The following ZNF827 variants were observed in gnomAD, a reference collection of about 807,000 sequenced individuals.
The protein encoded by ZNF827 is zinc finger protein 827.
In ZNF827, 13 loss-of-function variants were observed where a neutral mutation model predicts 102.4. That is an observed-to-expected ratio of 0.13 (90% CI 0.08 to 0.20). The LOEUF (loss-of-function observed/expected upper bound fraction) is 0.20, where lower values mean the gene tolerates loss of function less well. Among genes scored for constraint, ZNF827 ranks in the 10% least tolerant of loss-of-function variants. The probability of loss-of-function intolerance (pLI) is 1.00; values close to 1 mark genes in which losing one functional copy is unlikely to be tolerated. For missense variants in ZNF827, 1,103 were observed against 1,344.4 expected (o/e 0.82, Z 2.81); for synonymous variants, 523 against 536.2 (o/e 0.98, Z 0.34).
At chr4:145,878,688 AGAGGAAGG>A (rs893032972) in intron 4 of ZNF827, among the ~76,000 whole-genome samples, 2 of 149,662 alleles carry the variant, frequency 1.3e-5, no homozygotes, top group African/African-American at 2.5e-5. Flanking sequence ...GAAGGGAGAG[AGAGGAAGG>A]GAGGAAGGGA....
intron 3 of ZNF827, among the ~76,000 whole-genome samples, chr4:145,890,715 T>TTAAACC (rs1360301969): frequency 1.3e-5 from 2 of 152,160 alleles, no homozygotes; most frequent in Non-Finnish European, 2.9e-5. Context: ...AAATTCAACT[T>TTAAACC]TGCAGGTTTA....
chr4:145,938,314 G>A (rs1454311133), intron 1 of ZNF827, 51 bp downstream of exon 1: 4 of 1,608,610 alleles, frequency 2.5e-6, no homozygotes, highest in Non-Finnish European at 2.6e-6. Context: ...GGAAAGAGGA[G>A]AGGGAGGGCG....
chr4:145,878,918 A>T (rs1749428186), intron 4 of ZNF827, among the ~76,000 whole-genome samples: 1 of 152,054 alleles, frequency 6.6e-6, no homozygotes, highest in Non-Finnish European at 1.5e-5. Flanking sequence ...AGGGAGCTGG[A>T]GGGGCAACTT....
At chr4:145,785,034 T>C (rs1738644953) in intron 8 of ZNF827, among the ~76,000 whole-genome samples, 1 of 152,242 alleles carries the variant, frequency 6.6e-6, no homozygotes, top group Non-Finnish European at 1.5e-5. Context: ...GCCTTGAATG[T>C]CATTTGGGCT....
intron 5 of ZNF827, among the ~76,000 whole-genome samples, chr4:145,851,630 T>C (rs1365659088): frequency 1.3e-5 from 2 of 152,154 alleles, no homozygotes; most frequent in African/African-American, 4.8e-5. Flanking sequence ...CACATGCTTC[T>C]CAGGGAAAAC....
chr4:145,908,390 A>AGT (rs1199847031), intron 1 of ZNF827, among the ~76,000 whole-genome samples: 13 of 152,338 alleles, frequency 8.5e-5, no homozygotes, highest in East Asian at 3.9e-4. Context: ...TCTAACAATC[A>AGT]GTGTCTCCAA....
At position 145,823,474 on chromosome 4, in the gene ZNF827, T is replaced by C; in HGVS notation, c.2331A>G (p.Ser777=). 1 of 1,612,456 alleles carries C rather than the reference T, an allele frequency of 6.2e-7. No homozygotes were observed. ...CGGAGTCACTGGGCAGCAGTTCTTTTGAATTGGAGGTGAATGGTGATTGTC... is the reference window on the plus strand; with the variant it reads ...CGGAGTCACTGGGCAGCAGTTCTTTCGAATTGGAGGTGAATGGTGATTGTC... ...TFRQSPFTSN[S]KELLPSDSVL... Residue 777 remains serine, a synonymous_variant, in exon 8 of 15, where the codon TCA becomes TCG. Transcript: ENST00000508784.
intron 8 of ZNF827, 26 bp downstream of exon 8, chr4:145,823,396 A>T: frequency 6.3e-7 from 1 of 1,581,708 alleles, no homozygotes; most frequent in Non-Finnish European, 8.7e-7. Context: ...TCAACAGTAG[A>T]AGCAAAGCCA....
intron 1 of ZNF827, among the ~76,000 whole-genome samples, chr4:145,926,385 T>G (rs561778805): frequency 6.6e-6 from 1 of 152,240 alleles, no homozygotes; most frequent in Non-Finnish European, 1.5e-5. Flanking sequence ...CCTACAACAT[T>G]CTAGTTGCCT....
chr4:145,842,541 G>A (rs943089019), intron 7 of ZNF827, among the ~76,000 whole-genome samples: 14 of 152,124 alleles, frequency 9.2e-5, no homozygotes, highest in African/African-American at 3.1e-4. Flanking sequence ...GATAAATAAC[G>A]ATAAACAATT....
At chr4:145,844,591 G>A (rs1745738643) in intron 7 of ZNF827, among the ~76,000 whole-genome samples, 1 of 151,440 alleles carries the variant, frequency 6.6e-6, no homozygotes, top group South Asian at 2.1e-4. Context: ...GAGGTGGGAG[G>A]ATGGCTTGAG....
At chr4:145,915,595 T>A (rs886066225) in intron 1 of ZNF827, among the ~76,000 whole-genome samples, 6 of 152,204 alleles carry the variant, frequency 3.9e-5, no homozygotes, top group African/African-American at 1.4e-4. Flanking sequence ...TTCCAACATA[T>A]GAATTCTGGG....
rs1476537164 is a variant in ZNF827, at chr4:145,786,212, ACCCTATAT to A, written c.2384-6709_2384-6702del. On this transcript the variant is annotated intron_variant, in intron 8 of 14. Coordinates refer to ENST00000508784, the MANE Select transcript of ZNF827 (RefSeq NM_001306215.2). ...TTCCTTTCAATTTTAACATAATTTG[ACCCTATAT>A]TTGGTGTATTGTTTGGCTTTGTGGG... is the stretch of plus-strand genomic sequence containing the variant. 2.6e-5 allele frequency among the ~76,000 whole-genome samples: 4 copies of A among 152,186 alleles called. No individual in the cohort carries two copies. The East Asian group carries it at 7.7e-4, about 29-fold the overall frequency.
At position 145,938,677 on chromosome 4, in the gene ZNF827, A is replaced by G. The variant is rs1754414206; in HGVS notation, c.-270T>C. ...TGCACCTGGCTTGTCCCCGAGCGTA[A>G]TATTCTTCAATGGAAACGGATCTAA... On this transcript the variant is annotated 5_prime_UTR_variant, in exon 1 of 15. Transcript: ENST00000508784. The G allele has an allele frequency of 4.1e-6, 2 of 491,996 alleles. No individual in the cohort carries two copies. The highest frequency in any genetic ancestry group is 7.3e-6 in the Non-Finnish European group (2 of 275,192). 30.5% of individuals were successfully genotyped at this position (491,996 alleles called of 1,614,324 possible). A position where few individuals can be genotyped will look rare whatever the true frequency, so the allele number is the denominator to read the frequency against.
intron 7 of ZNF827, among the ~76,000 whole-genome samples, chr4:145,840,866 C>A (rs1023294722): frequency 1.1e-4 from 16 of 152,286 alleles, no homozygotes; most frequent in Admixed American, 4.6e-4. Context: ...GTGAATATGT[C>A]TTTTAGTAAA....
chr4:145,820,124 CT>C (rs1560959739), intron 8 of ZNF827: 2 of 152,766 alleles, frequency 1.3e-5, no homozygotes, highest in African/African-American at 4.8e-5. Context: ...CACACTGAAG[CT>C]ACCATGGATC....
At chr4:145,784,094 A>C (rs1023654401) in intron 8 of ZNF827, among the ~76,000 whole-genome samples, 2 of 152,110 alleles carry the variant, frequency 1.3e-5, no homozygotes, top group African/African-American at 2.4e-5. Flanking sequence ...ACTTTCCACT[A>C]TGATGGAAAG....
At chr4:145,916,930 C>T (rs778053325) in intron 1 of ZNF827, among the ~76,000 whole-genome samples, 2 of 152,196 alleles carry the variant, frequency 1.3e-5, no homozygotes, top group Admixed American at 6.5e-5. Context: ...ATGGCCTTTA[C>T]TCCAGTTTCC....
intron 8 of ZNF827, among the ~76,000 whole-genome samples, chr4:145,794,273 G>A (rs552243616): frequency 6.6e-6 from 1 of 152,188 alleles, no homozygotes; most frequent in Admixed American, 6.5e-5. Context: ...GATTTCAACA[G>A]TGTATGGCTG....
Sources: allele counts gnomAD v4.1 joint callset (sites outside exome capture counted in the v4.1 genomes callset), GRCh38; gene constraint gnomAD v4.1.1; transcripts MANE v1.5; gene names NCBI Gene and HGNC (gene_info 2026-07-23, HGNC 2026-07-21).